PHACTR1: variants seen among roughly 807,000 people sequenced by gnomAD.
PHACTR1 encodes phosphatase and actin regulator 1.
Under a neutral mutation model 69.2 loss-of-function variants are expected in PHACTR1, and 16 were observed. That is an observed-to-expected ratio of 0.23 (90% CI 0.16 to 0.35). The LOEUF (loss-of-function observed/expected upper bound fraction) is 0.35, where lower values mean the gene tolerates loss of function less well. Ranked by LOEUF, PHACTR1 falls within the 10% of genes least tolerant of loss-of-function variation. The pLI, the probability that PHACTR1 is intolerant of heterozygous loss-of-function variation, is 1.00. For synonymous variants in PHACTR1, 312 were observed against 284.5 expected (o/e 1.10, Z -0.97); for missense variants, 510 against 734.7 (o/e 0.69, Z 3.54).
chr6:13,243,349 T>G (rs1366045755), intron 10 of PHACTR1, among the ~76,000 whole-genome samples: 3 of 152,136 alleles, frequency 2.0e-5, no homozygotes, highest in Non-Finnish European at 4.4e-5. Context: ...TCTCATAATT[T>G]TACCATGAAA....
chr6:12,839,334 T>C (rs890471066), intron 4 of PHACTR1, among the ~76,000 whole-genome samples: 1 of 152,160 alleles, frequency 6.6e-6, no homozygotes, highest in Non-Finnish European at 1.5e-5. Context: ...ACTTGCCCCA[T>C]CCTTGCTGCC....
intron 4 of PHACTR1, among the ~76,000 whole-genome samples, chr6:12,760,978 G>A (rs1007642316): frequency 1.3e-5 from 2 of 152,150 alleles, no homozygotes; most frequent in Non-Finnish European, 2.9e-5. Context: ...CTGAAGACCA[G>A]TGGAGCATCT....
intron 6 of PHACTR1, among the ~76,000 whole-genome samples, chr6:13,181,582 G>GC (rs1762182310): frequency 6.6e-6 from 1 of 152,224 alleles, no homozygotes; most frequent in African/African-American, 2.4e-5. Flanking sequence ...CTTTGATCCT[G>GC]CACCGTGGTC....
intron 4 of PHACTR1, among the ~76,000 whole-genome samples, chr6:12,952,057 G>A (rs1396038692): frequency 1.3e-5 from 2 of 152,110 alleles, no homozygotes; most frequent in African/African-American, 4.8e-5. Flanking sequence ...ACGTTCTCTG[G>A]TCCCTTCATA....
chr6:12,991,313 G>T (rs1796795498), intron 4 of PHACTR1, among the ~76,000 whole-genome samples: 2 of 152,118 alleles, frequency 1.3e-5, no homozygotes, highest in Non-Finnish European at 2.9e-5. Flanking sequence ...GCACCCAAGG[G>T]GTGGCCCTGG....
chr6:12,813,050 C>G (rs994138603), intron 4 of PHACTR1, among the ~76,000 whole-genome samples: 1 of 152,088 alleles, frequency 6.6e-6, no homozygotes, highest in Non-Finnish European at 1.5e-5. Context: ...GAAGCTTTGT[C>G]AACTAGGAGA....
chr6:13,036,106 A>G (rs1267203344), intron 4 of PHACTR1, among the ~76,000 whole-genome samples: 1 of 151,716 alleles, frequency 6.6e-6, no homozygotes, highest in African/African-American at 2.4e-5. Flanking sequence ...AGTCGCTGAC[A>G]GTGATGGGAT....
intron 4 of PHACTR1, among the ~76,000 whole-genome samples, chr6:12,786,796 G>C (rs1192037462): frequency 6.6e-6 from 1 of 152,168 alleles, no homozygotes; most frequent in Non-Finnish European, 1.5e-5. Context: ...GGCAGAGCAA[G>C]GCATGCTTGA....
At position 12,763,536 on chromosome 6, in the gene PHACTR1, A is replaced by T. The variant is rs541101862; in HGVS notation, c.250+13746A>T. 9.2e-5 allele frequency among the ~76,000 whole-genome samples: 14 copies of T among 152,302 alleles called. No individual in the cohort carries two copies. In the East Asian group the frequency reaches 2.7e-3, roughly 29 times the overall value. On this transcript the variant is annotated intron_variant, in intron 4 of 14. Coordinates refer to ENST00000332995, the MANE Select transcript of PHACTR1 (RefSeq NM_030948.6). ...CTGGGATCTGTGTTCTGTCTCCTCCATGGTTCTGCTTATCAAAGACAGTGA... is the reference window on the plus strand; with the variant it reads ...CTGGGATCTGTGTTCTGTCTCCTCCTTGGTTCTGCTTATCAAAGACAGTGA...
At chr6:13,131,841 C>T (rs1043953355) in intron 5 of PHACTR1, among the ~76,000 whole-genome samples, 7 of 152,144 alleles carry the variant, frequency 4.6e-5, no homozygotes, top group Non-Finnish European at 1.5e-5. Flanking sequence ...CAAACATAAC[C>T]TCCCTTAATC....
At chr6:12,784,897 T>C (rs943385302) in intron 4 of PHACTR1, among the ~76,000 whole-genome samples, 3 of 151,730 alleles carry the variant, frequency 2.0e-5, no homozygotes, top group Non-Finnish European at 4.4e-5. Flanking sequence ...TTAGTAGAGA[T>C]GGGGTTTCTC....
chr6:13,197,877 T>C (rs573371301), intron 7 of PHACTR1, among the ~76,000 whole-genome samples: 57 of 152,326 alleles, frequency 3.7e-4, no homozygotes, highest in African/African-American at 1.2e-3. Context: ...GTAGCCTCTT[T>C]GGAAAGGAAT....
At chr6:13,210,476 C>T (rs1186675694) in intron 8 of PHACTR1, among the ~76,000 whole-genome samples, 1 of 152,118 alleles carries the variant, frequency 6.6e-6, no homozygotes, top group Non-Finnish European at 1.5e-5. Context: ...CAGGGTTGCC[C>T]TAGGCAGTGG....
intron 10 of PHACTR1, among the ~76,000 whole-genome samples, chr6:13,257,403 C>T (rs1459327075): frequency 6.6e-6 from 1 of 152,218 alleles, no homozygotes; most frequent in Non-Finnish European, 1.5e-5. Context: ...ATATCAATCC[C>T]TAACTTCATA....
intron 12 of PHACTR1, among the ~76,000 whole-genome samples, chr6:13,282,132 G>A (rs1402982063): frequency 2.0e-5 from 3 of 152,236 alleles, no homozygotes; most frequent in African/African-American, 7.2e-5. Context: ...AACTGCCAGG[G>A]TGGTTTGGAC....
chr6:13,230,390 A>G lies in PHACTR1; in HGVS notation c.1391+197A>G, dbSNP rs150114680. Reference sequence around the variant, plus strand: ...AACATGGTGAAACCCCATCTCTACTAAAAATGCAAAAATTAGTCAGGCATG... The same window carrying G: ...AACATGGTGAAACCCCATCTCTACTGAAAATGCAAAAATTAGTCAGGCATG... On this transcript the variant is annotated intron_variant, in intron 10 of 14. Coordinates refer to ENST00000332995, the MANE Select transcript of PHACTR1 (RefSeq NM_030948.6). 8.7e-4 allele frequency: 1,115 copies of G among 1,281,680 alleles called. 9 individuals are homozygous for G. The African/African-American group carries it at 0.015, about 17-fold the overall frequency. 79.4% of individuals were successfully genotyped at this position (1,281,680 alleles called of 1,614,324 possible). A position where few individuals can be genotyped will look rare whatever the true frequency, so the allele number is the denominator to read the frequency against.
chr6:13,167,522 A>C (rs1172466164), intron 6 of PHACTR1, among the ~76,000 whole-genome samples: 1 of 152,222 alleles, frequency 6.6e-6, no homozygotes, highest in Non-Finnish European at 1.5e-5. Flanking sequence ...AGATCAGTGA[A>C]GCTGCCGCAG....
At position 12,890,143 on chromosome 6, in the gene PHACTR1, A is replaced by G. The variant is rs1381990249; in HGVS notation, c.250+140353A>G. On this transcript the variant is annotated intron_variant, in intron 4 of 14. Transcript: ENST00000332995. ...AGATTCTCATAGGAACGTGAACCCTATTGTGAACTGCGCACGTGAGGGATC... is the reference window on the plus strand; with the variant it reads ...AGATTCTCATAGGAACGTGAACCCTGTTGTGAACTGCGCACGTGAGGGATC... Among the ~76,000 whole-genome samples, 4 of 152,114 alleles carry G rather than the reference A, an allele frequency of 2.6e-5. No homozygotes were observed. In the East Asian group the frequency reaches 5.8e-4, roughly 22 times the overall value.
intron 4 of PHACTR1, among the ~76,000 whole-genome samples, chr6:13,018,289 C>T (rs1800465622): frequency 6.6e-6 from 1 of 152,098 alleles, no homozygotes; most frequent in Non-Finnish European, 1.5e-5. Flanking sequence ...GTCAGGGCTG[C>T]TAACAGAACC....
Sources: gnomAD v4.1 joint callset for allele counts (sites outside exome capture counted in the v4.1 genomes callset) on GRCh38, gnomAD v4.1.1 for gene constraint, MANE v1.5 for transcripts, NCBI Gene and HGNC (gene_info 2026-07-23, HGNC 2026-07-21) for gene names.